The following DPP10 variants were observed in gnomAD, a reference collection of about 807,000 sequenced individuals.
The protein encoded by DPP10 is dipeptidyl peptidase like 10.
In DPP10, 33 loss-of-function variants were observed where a neutral mutation model predicts 120.9. That is an observed-to-expected ratio of 0.27 (90% CI 0.21 to 0.37). DPP10 has a LOEUF of 0.37. Ranked by LOEUF, DPP10 falls within the 10% of genes least tolerant of loss-of-function variation. The pLI, the probability that DPP10 is intolerant of heterozygous loss-of-function variation, is 1.00. For synonymous variants in DPP10, 337 were observed against 326.1 expected (o/e 1.03, Z -0.36); for missense variants, 816 against 942.8 (o/e 0.87, Z 1.76).
rs184629523 is a variant in DPP10 at position 115,632,331 on chromosome 2, A to G, written c.442-57356A>G. ...GAGATGGGTTTCTTGAATGCAGCAC[A>G]CTGATGGGTCTTGACTCTATCCAGC... is the stretch of plus-strand genomic sequence containing the variant. On this transcript the variant is annotated intron_variant, in intron 5 of 25. Coordinates refer to ENST00000410059, the MANE Select transcript of DPP10 (RefSeq NM_020868.6). Among the ~76,000 whole-genome samples the G allele has an allele frequency of 1.5e-3, 234 of 152,164 alleles. 1 individual carries two copies. Among genetic ancestry groups the G allele is most frequent in the Non-Finnish European group, 2.5e-3 (170 of 67,992 alleles).
At chr2:114,784,973 C>G (rs1227765212) in intron 1 of DPP10, among the ~76,000 whole-genome samples, 1 of 152,208 alleles carries the variant, frequency 6.6e-6, no homozygotes, top group Non-Finnish European at 1.5e-5. Context: ...TTTTTCAAGT[C>G]TTCCCCATTC....
At position 115,289,919 on chromosome 2, in the gene DPP10, T is replaced by C. The variant is rs960773507; in HGVS notation, c.61-19320T>C. ...CTAGAATAAAACCTAGGAGAAACTT[T>C]TCTGGACATTGGCCTAGGCAAAGAA... On this transcript the variant is annotated intron_variant, in intron 1 of 25. Coordinates refer to ENST00000410059, the MANE Select transcript of DPP10 (RefSeq NM_020868.6). 6.6e-5 allele frequency among the ~76,000 whole-genome samples: 10 copies of C among 152,114 alleles called. No individual in the cohort carries two copies. In the East Asian group the frequency reaches 1.7e-3, roughly 26 times the overall value.
chr2:114,972,688 T>C (rs979385330), intron 1 of DPP10, among the ~76,000 whole-genome samples: 3 of 152,206 alleles, frequency 2.0e-5, no homozygotes, highest in African/African-American at 7.2e-5. Flanking sequence ...TGTATATATC[T>C]AAAAGCTGAG....
At chr2:115,244,237 TATAGAGAGAGAGAGAGAG>T (rs1285254056) in intron 1 of DPP10, among the ~76,000 whole-genome samples, 68 of 67,094 alleles carry the variant, frequency 1.0e-3, no homozygotes, top group Non-Finnish European at 1.5e-3. Context: ...TATATATATA[TATAGAGAGAGAGAGAGAG>T]AGAGAGAGAG....
intron 1 of DPP10, among the ~76,000 whole-genome samples, chr2:114,955,335 G>C (rs1698122547): frequency 6.6e-6 from 1 of 152,104 alleles, no homozygotes; most frequent in South Asian, 2.1e-4. Flanking sequence ...TTATCAGCAA[G>C]GTCTTCATGG....
At chr2:114,948,693 A>T (rs903469085) in intron 1 of DPP10, among the ~76,000 whole-genome samples, 1 of 152,162 alleles carries the variant, frequency 6.6e-6, no homozygotes, top group South Asian at 2.1e-4. Context: ...CTTGTCAAGT[A>T]CCACCATTCT....
intron 1 of DPP10, among the ~76,000 whole-genome samples, chr2:114,591,287 G>C (rs185877755): frequency 2.0e-3 from 301 of 152,332 alleles, no homozygotes; most frequent in African/African-American, 6.9e-3. Context: ...GCAAGATAAT[G>C]CATTTGCATT....
chr2:114,931,836 A>G (rs892643966), intron 1 of DPP10, among the ~76,000 whole-genome samples: 3 of 152,224 alleles, frequency 2.0e-5, no homozygotes, highest in African/African-American at 7.2e-5. Context: ...TTGGAGGTCC[A>G]GTTAAATTTA....
intron 3 of DPP10, among the ~76,000 whole-genome samples, chr2:115,416,215 C>T (rs374685399): frequency 6.6e-6 from 1 of 152,056 alleles, no homozygotes; most frequent in Non-Finnish European, 1.5e-5. Flanking sequence ...AGCCAAGTCA[C>T]ACAGGTAAGT....
chr2:114,755,951 T>TAAAAAAAAAAAAAAAAAAAAAAAAAAAAA (rs57668109), intron 1 of DPP10, among the ~76,000 whole-genome samples: 1 of 129,740 alleles, frequency 7.7e-6, no homozygotes. Context: ...AGGAAGAAAT[T>TAAAAAAAAAAAAAAAAAAAAAAAAAAAAA]AAAAAAAAAA....
chr2:115,080,843 A>G (rs1353855509), intron 1 of DPP10, among the ~76,000 whole-genome samples: 1 of 152,136 alleles, frequency 6.6e-6, no homozygotes, highest in African/African-American at 2.4e-5. Context: ...CCCTCTCAAC[A>G]TTGTTGCTCT....
intron 1 of DPP10, among the ~76,000 whole-genome samples, chr2:114,836,574 G>A (rs982305081): frequency 2.6e-5 from 4 of 152,164 alleles, no homozygotes; most frequent in Non-Finnish European, 2.9e-5. Flanking sequence ...GAGGCAGGGC[G>A]AGATCACAGG....
intron 1 of DPP10, among the ~76,000 whole-genome samples, chr2:114,752,444 G>A (rs1038168552): frequency 2.6e-5 from 4 of 152,138 alleles, no homozygotes; most frequent in South Asian, 2.1e-4. Flanking sequence ...TTAGAGCCTC[G>A]AATTAAAAAC....
At chr2:115,384,715 AGAAG>A (rs2066780979) in intron 3 of DPP10, among the ~76,000 whole-genome samples, 1 of 151,830 alleles carries the variant, frequency 6.6e-6, no homozygotes, top group African/African-American at 2.4e-5. Flanking sequence ...AGAAAGAAGA[AGAAG>A]AAGAAGAAGA....
chr2:115,533,289 A>C (rs1228957124), intron 5 of DPP10, among the ~76,000 whole-genome samples: 1 of 152,068 alleles, frequency 6.6e-6, no homozygotes, highest in Admixed American at 6.6e-5. Context: ...AATCCTTTAA[A>C]TCGTGTCTAC....
intron 8 of DPP10, among the ~76,000 whole-genome samples, chr2:115,728,310 A>G (rs1272018358): frequency 6.6e-6 from 1 of 151,884 alleles, no homozygotes; most frequent in Non-Finnish European, 1.5e-5. Context: ...AAAAAAATGC[A>G]TAAAAAGCCA....
intron 1 of DPP10, among the ~76,000 whole-genome samples, chr2:114,738,090 T>G (rs575440204): frequency 7.3e-5 from 11 of 151,394 alleles, no homozygotes; most frequent in African/African-American, 2.7e-4. Flanking sequence ...AAGAGGGGAG[T>G]GCTACACACT....
At chr2:115,791,635 A>G (rs1013464852) in intron 19 of DPP10, among the ~76,000 whole-genome samples, 3 of 152,166 alleles carry the variant, frequency 2.0e-5, no homozygotes, top group Non-Finnish European at 2.9e-5. Context: ...CTTAGCAATT[A>G]CTCAAGCCCT....
At position 114,907,112 on chromosome 2, in the gene DPP10, A is replaced by G. The variant is rs528896829; in HGVS notation, c.61-402127A>G. On this transcript the variant is annotated intron_variant, in intron 1 of 25. Transcript: ENST00000410059. ...ATAAGTTATCCTAATTTTGACTTAC[A>G]GTTTTTTATAGTATTCACTTTCATA... Among the ~76,000 whole-genome samples, 4 of 151,282 alleles carry G rather than the reference A, an allele frequency of 2.6e-5. 1 individual carries two copies. The South Asian group carries it at 8.3e-4, about 32-fold the overall frequency.
Sources: gnomAD v4.1 joint callset for allele counts (sites outside exome capture counted in the v4.1 genomes callset) on GRCh38, gnomAD v4.1.1 for gene constraint, MANE v1.5 for transcripts, NCBI Gene and HGNC (gene_info 2026-07-23, HGNC 2026-07-21) for gene names.